Variants in CHN2 observed in about 807,000 individuals in gnomAD.
CHN2 encodes chimerin 2, also known as beta-chimaerin.
A neutral mutation model predicts 56.3 loss-of-function variants in CHN2; 35 were observed. That is an observed-to-expected ratio of 0.62 (90% CI 0.47 to 0.82). CHN2 has a LOEUF of 0.82. Among genes scored for constraint, CHN2 ranks in the 40% least tolerant of loss-of-function variants. The probability of loss-of-function intolerance (pLI) is 0.00; values close to 1 mark genes in which losing one functional copy is unlikely to be tolerated. For missense variants in CHN2, 491 were observed against 580.5 expected, an observed-to-expected ratio of 0.85 and a Z score of 1.58; for synonymous variants, 210 against 212.8, an observed-to-expected ratio of 0.99 and a Z score of 0.12.
At chr7:29,354,034 G>C (rs912598416) in intron 1 of CHN2, among the ~76,000 whole-genome samples, 11 of 152,164 alleles carry the variant, frequency 7.2e-5, no homozygotes, top group Non-Finnish European at 1.6e-4. Flanking sequence ...CTGTCAGTCT[G>C]ACATTTCTGA....
intron 1 of CHN2, among the ~76,000 whole-genome samples, chr7:29,224,460 A>G (rs75405155): frequency 0.014 from 2,204 of 152,296 alleles, 63 homozygotes; most frequent in African/African-American, 0.049. Flanking sequence ...CTCCGAGCTT[A>G]TTTCTAAATC....
chr7:29,195,143 C>G (rs1783513179), intron 1 of CHN2, 153 bp downstream of exon 1: 2 of 721,484 alleles, frequency 2.8e-6, no homozygotes, highest in South Asian at 4.7e-5. Flanking sequence ...GTTTGGTTCG[C>G]CAGCACCTCG....
At chr7:29,340,837 C>T (rs185191335) in intron 1 of CHN2, among the ~76,000 whole-genome samples, 364 of 152,306 alleles carry the variant, frequency 2.4e-3, no homozygotes, top group African/African-American at 8.0e-3. Flanking sequence ...CGCTTGTTTC[C>T]TTAAGGAAGG....
intron 2 of CHN2, among the ~76,000 whole-genome samples, chr7:29,163,873 G>A (rs1386475930): frequency 6.6e-6 from 1 of 152,098 alleles, no homozygotes; most frequent in Non-Finnish European, 1.5e-5. Flanking sequence ...TTTCATTGCT[G>A]AATTCATTGC....
At chr7:29,293,312 G>A (rs958472060) in intron 1 of CHN2, among the ~76,000 whole-genome samples, 1 of 150,220 alleles carries the variant, frequency 6.7e-6, no homozygotes, top group African/African-American at 2.5e-5. Context: ...AAGGACTGTC[G>A]GGCTTTGACC....
chr7:29,470,189 C>T (rs935262622), intron 6 of CHN2, among the ~76,000 whole-genome samples: 1 of 152,222 alleles, frequency 6.6e-6, no homozygotes, highest in African/African-American at 2.4e-5. Context: ...AGGGACAACA[C>T]AGTCCTACGC....
At chr7:29,207,792 G>T (rs909268751) in intron 1 of CHN2, among the ~76,000 whole-genome samples, 1 of 152,096 alleles carries the variant, frequency 6.6e-6, no homozygotes, top group African/African-American at 2.4e-5. Context: ...TCAAAGAACC[G>T]ACACCCTTTG....
upstream of CHN2, chr7:29,193,434 G>GTTTTT (rs1460932759): frequency 6.6e-6 from 1 of 152,098 alleles, no homozygotes; most frequent in Non-Finnish European, 1.5e-5. Context: ...TTTTAACCAT[G>GTTTTT]TTTTAAAAAG....
At chr7:29,160,412 C>T (rs984727539) in intron 2 of CHN2, among the ~76,000 whole-genome samples, 2 of 152,180 alleles carry the variant, frequency 1.3e-5, no homozygotes, top group African/African-American at 4.8e-5. Context: ...TTTGGTATCT[C>T]CTTTTAGTTT....
At chr7:29,288,491 T>G (rs1792331687) in intron 1 of CHN2, among the ~76,000 whole-genome samples, 1 of 152,252 alleles carries the variant, frequency 6.6e-6, no homozygotes, top group African/African-American at 2.4e-5. Context: ...CTCTTTTCTT[T>G]CTATATCCAA....
In CHN2 at chr7:29,213,328, G is replaced by C. The variant is rs1400027470; in HGVS notation, c.49+18338G>C. 7.1e-6 allele frequency: 5 copies of C among 705,574 alleles called. No homozygotes were observed. In the African/African-American group the frequency reaches 8.6e-5, roughly 12 times the overall value. 43.7% of individuals were successfully genotyped at this position (705,574 alleles called of 1,614,324 possible). A position where few individuals can be genotyped will look rare whatever the true frequency, so the allele number is the denominator to read the frequency against. ...TCTTGTATGGAAACCATGTGTTCTG[G>C]CTTCCATTATGCCTATCCAGTCAAT... On this transcript the variant is annotated intron_variant, in intron 1 of 12. Coordinates refer to ENST00000222792, the MANE Select transcript of CHN2 (RefSeq NM_004067.4).
intron 6 of CHN2, among the ~76,000 whole-genome samples, chr7:29,438,330 T>A (rs1783391806): frequency 6.6e-6 from 1 of 152,232 alleles, no homozygotes; most frequent in Non-Finnish European, 1.5e-5. Context: ...ACTAGAATCT[T>A]ATTATTTGGC....
chr7:29,506,142 T>C (rs979737767), intron 10 of CHN2, among the ~76,000 whole-genome samples: 1 of 152,182 alleles, frequency 6.6e-6, no homozygotes, highest in African/African-American at 2.4e-5. Context: ...AAAAATGTCT[T>C]GAGAACTATT....
intron 1 of CHN2, chr7:29,195,264 A>C: frequency 5.0e-6 from 2 of 398,384 alleles, no homozygotes; most frequent in Non-Finnish European, 8.9e-6. Context: ...AGCGAGCGAA[A>C]AGCGAAAGGA....
intron 3 of CHN2, among the ~76,000 whole-genome samples, chr7:29,380,509 A>G (rs1171176551): frequency 6.6e-6 from 1 of 152,200 alleles, no homozygotes; most frequent in African/African-American, 2.4e-5. Context: ...CTTTAGGTAG[A>G]TTAATTTTAT....
intron 1 of CHN2, among the ~76,000 whole-genome samples, chr7:29,319,332 T>C (rs530234606): frequency 3.8e-4 from 58 of 152,154 alleles, no homozygotes; most frequent in African/African-American, 1.4e-3. Context: ...TCCAAGCGAG[T>C]TGAGGTTGAG....
intron 6 of CHN2, chr7:29,479,745 G>A: frequency 4.4e-6 from 5 of 1,137,186 alleles, no homozygotes; most frequent in Non-Finnish European, 5.4e-6. Flanking sequence ...TAATAAGGAG[G>A]AGAGACCTCT....
intron 1 of CHN2, among the ~76,000 whole-genome samples, chr7:29,216,814 G>A (rs534550060): frequency 2.0e-4 from 30 of 152,306 alleles, no homozygotes; most frequent in African/African-American, 6.7e-4. Context: ...GAAATTAACC[G>A]GCTATACTTA....
At chr7:29,326,194 T>C (rs1795791166) in intron 1 of CHN2, among the ~76,000 whole-genome samples, 2 of 152,178 alleles carry the variant, frequency 1.3e-5, no homozygotes, top group African/African-American at 4.8e-5. Flanking sequence ...AGTCTCACTC[T>C]GTCGCCAGGC....
Sources: allele counts gnomAD v4.1 joint callset (sites outside exome capture counted in the v4.1 genomes callset), GRCh38; gene constraint gnomAD v4.1.1; transcripts MANE v1.5; gene names NCBI Gene and HGNC (gene_info 2026-07-23, HGNC 2026-07-21).